Variants in MRE11 observed in about 807,000 individuals in gnomAD.
MRE11 encodes the protein double-strand break repair protein MRE11.
A neutral mutation model predicts 91.7 loss-of-function variants in MRE11; 62 were observed. That is an observed-to-expected ratio of 0.68 (90% CI 0.55 to 0.84). MRE11 has a LOEUF of 0.84. Ranked by LOEUF, MRE11 falls within the 40% of genes least tolerant of loss-of-function variation. The probability of loss-of-function intolerance (pLI) is 0.00; values close to 1 mark genes in which losing one functional copy is unlikely to be tolerated. For missense variants in MRE11, 796 were observed against 852.9 expected, an observed-to-expected ratio of 0.93 and a Z score of 0.83; for synonymous variants, 273 against 271.4, an observed-to-expected ratio of 1.01 and a Z score of -0.06.
At chr11:94,500,438 C>G in the MRE11 span, among the ~76,000 whole-genome samples, 2 of 152,200 alleles carry the variant, frequency 1.3e-5, no homozygotes, top group Admixed American at 6.5e-5. Flanking sequence ...CTAGACTGCT[C>G]TGTGCACAGA....
chr11:94,447,198 A>G, intron 15 of MRE11, 21 bp downstream of exon 15: 2 of 1,602,182 alleles, frequency 1.2e-6, no homozygotes, highest in Non-Finnish European at 8.5e-7. Context: ...GAATGTGCAC[A>G]GGACTGAACT....
rs864622344 is a variant in MRE11, at chr11:94,478,804, C to T, written c.475G>A (p.Val159Met). Residue 159 changes from valine to methionine, a missense_variant, in exon 6 of 20, where the codon GTG becomes ATG. By Grantham distance (21) the Val-to-Met change is conservative. Coordinates refer to ENST00000323929, the MANE Select transcript of MRE11 (RefSeq NM_005591.4). ...ACCGGACTAATGTCTATCTTCTCCA[C>T]AGACATTGAACGTCCAAAGTGATTT... ...FVNHFGRSMSVEKIDISPVLL... is the reference protein window; with the variant it reads ...FVNHFGRSMSMEKIDISPVLL... The T allele has an allele frequency of 2.5e-6, 4 of 1,613,604 alleles. No homozygotes were observed. Among genetic ancestry groups the T allele is most frequent in the Non-Finnish European group, 3.4e-6 (4 of 1,179,828 alleles).
At chr11:94,480,563 T>C (rs1209539426) in intron 4 of MRE11, among the ~76,000 whole-genome samples, 1 of 152,238 alleles carries the variant, frequency 6.6e-6, no homozygotes, top group Non-Finnish European at 1.5e-5. Context: ...GCGAGTAATC[T>C]TGTTGCCCTG....
Position 94,459,559 on chromosome 11 carries a change from G to T in MRE11, c.1349C>A (p.Thr450Lys), listed in dbSNP as rs1236501524. ...AEKNVQLSLL[T>K]ERGMGEAVQE... is the part of the protein sequence containing the mutation. ...TACTGCTTCACCCATCCCTCTTTCT[G>T]TTAGCAGTGAGAGCTGCACATTCTG... The change falls in exon 13 of 20, where the codon ACA becomes AAA. Residue 450 changes from threonine (T) to lysine (K), a missense_variant. Transcript: ENST00000323929. 6.2e-7 allele frequency: 1 copy of T among 1,613,914 alleles called. No homozygotes were observed. The highest frequency in any genetic ancestry group is 2.2e-5 in the East Asian group (1 of 44,854).
At chr11:94,432,448 T>C (rs760711232) in intron 18 of MRE11, among the ~76,000 whole-genome samples, 7 of 152,226 alleles carry the variant, frequency 4.6e-5, no homozygotes, top group Non-Finnish European at 5.9e-5. Context: ...GAGGTGATCC[T>C]ATCCATCCCA....
chr11:94,478,962 T>G lies in MRE11; in HGVS notation c.403-86A>C. ...ATCGTATCACCTGTTAAAAGCATAC[T>G]CCATATTCTACTTACAAAAACATAG... On this transcript the variant is annotated intron_variant, in intron 5 of 19. Transcript: ENST00000323929. 3.6e-6 allele frequency: 5 copies of G among 1,399,914 alleles called. No homozygotes were observed. The South Asian group carries it at 5.9e-5, about 17-fold the overall frequency. 86.7% of individuals were successfully genotyped at this position (1,399,914 alleles called of 1,614,324 possible).
chr11:94,479,636 T>C (rs753682190), intron 5 of MRE11, 38 bp downstream of exon 5: 2 of 1,564,148 alleles, frequency 1.3e-6, no homozygotes, highest in South Asian at 2.2e-5. Context: ...ACTGATCATT[T>C]CCAAAATTCC....
intron 4 of MRE11, among the ~76,000 whole-genome samples, chr11:94,483,097 G>A (rs1947053424): frequency 6.6e-6 from 1 of 151,970 alleles, no homozygotes; most frequent in Admixed American, 6.6e-5. Context: ...AGGGGAAAGT[G>A]AACATAAACA....
chr11:94,424,921 C>A (rs556301520), intron 19 of MRE11, among the ~76,000 whole-genome samples: 1 of 152,188 alleles, frequency 6.6e-6, no homozygotes, highest in South Asian at 2.1e-4. Context: ...ATATGGAAAA[C>A]ATATTCGAGG....
At chr11:94,484,822 G>A (rs1354348074) in intron 4 of MRE11, among the ~76,000 whole-genome samples, 1 of 152,160 alleles carries the variant, frequency 6.6e-6, no homozygotes, top group Non-Finnish European at 1.5e-5. Context: ...AAGTATCAGG[G>A]TCATGAAAGA....
At chr11:94,509,521 C>G in the MRE11 span, among the ~76,000 whole-genome samples, 13 of 152,246 alleles carry the variant, frequency 8.5e-5, no homozygotes, top group African/African-American at 3.1e-4. Flanking sequence ...CAGCTCACTG[C>G]AACCTCTACC....
intron 19 of MRE11, among the ~76,000 whole-genome samples, chr11:94,429,536 G>A (rs1390803961): frequency 1.3e-5 from 2 of 152,116 alleles, no homozygotes; most frequent in East Asian, 3.9e-4. Context: ...TGCAGCTGGA[G>A]GCCACTATCC....
intron 17 of MRE11, 77 bp downstream of exon 17, chr11:94,437,100 G>T: frequency 7.8e-7 from 1 of 1,277,900 alleles, no homozygotes; most frequent in Non-Finnish European, 1.1e-6. Context: ...TATTTACTTT[G>T]TAAATCAGAG....
intron 16 of MRE11, among the ~76,000 whole-genome samples, chr11:94,438,185 T>C (rs1945676555): frequency 6.6e-6 from 1 of 152,088 alleles, no homozygotes; most frequent in South Asian, 2.1e-4. Flanking sequence ...AACGTCTAAT[T>C]TAGGTTTATT....
intron 17 of MRE11, 31 bp from the exon 18 acceptor site, chr11:94,435,930 T>C: frequency 2.5e-6 from 4 of 1,571,300 alleles, no homozygotes; most frequent in Non-Finnish European, 3.5e-6. Context: ...CAAACAGTTT[T>C]TGTGAGAATA....
At chr11:94,474,692 T>C (rs1405122869) in intron 7 of MRE11, among the ~76,000 whole-genome samples, 2 of 152,152 alleles carry the variant, frequency 1.3e-5, no homozygotes, top group Non-Finnish European at 2.9e-5. Flanking sequence ...AATGGGAACT[T>C]TACAGCAGAG....
intron 19 of MRE11, 85 bp downstream of exon 19, chr11:94,429,826 A>G (rs1398317831): frequency 8.4e-7 from 1 of 1,188,626 alleles, no homozygotes; most frequent in Admixed American, 2.2e-5. Flanking sequence ...TCAAAGAAAA[A>G]AAAGTTCAGC....
upstream of MRE11, among the ~76,000 whole-genome samples, chr11:94,494,469 T>G (rs971412429): frequency 6.6e-6 from 1 of 152,206 alleles, no homozygotes; most frequent in South Asian, 2.1e-4. Context: ...CAAGTTGTTT[T>G]AATCTATCTG....
Position 94,437,075 on chromosome 11 carries a change from T to C in MRE11, c.1926+102A>G, listed in dbSNP as rs115453745. ...AGCTCCTTCCAGCTTTAATGTTCCATAATTTTTCTTCTTTTATTTACTTTG... is the reference window on the plus strand; with the variant it reads ...AGCTCCTTCCAGCTTTAATGTTCCACAATTTTTCTTCTTTTATTTACTTTG... On this transcript the variant is annotated intron_variant, in intron 17 of 19. Transcript: ENST00000323929. The C allele has an allele frequency of 1.6e-3, 1,619 of 1,043,872 alleles. 10 individuals carry two copies. In the African/African-American group the frequency reaches 0.02, roughly 13 times the overall value. 64.7% of individuals were successfully genotyped at this position (1,043,872 alleles called of 1,614,324 possible).
Sources: gnomAD v4.1 joint callset for allele counts (sites outside exome capture counted in the v4.1 genomes callset) on GRCh38, gnomAD v4.1.1 for gene constraint, MANE v1.5 for transcripts, NCBI Gene and HGNC (gene_info 2026-07-23, HGNC 2026-07-21) for gene names.